Variants in PSMG2 observed in about 807,000 individuals in gnomAD.
PSMG2 encodes CD40 ligand-activated specific transcript 3.
PSMG2 carries 21 observed loss-of-function variants against 31.5 expected under a neutral mutation model. That is an observed-to-expected ratio of 0.67 (90% confidence interval 0.47 to 0.96). The LOEUF (loss-of-function observed/expected upper bound fraction) is 0.96. PSMG2 is among the 40% of genes least tolerant of loss of function. PSMG2 has a pLI of 0.00. For synonymous variants in PSMG2, 120 were observed against 110.4 expected, an observed-to-expected ratio of 1.09 and a Z score of -0.54; for missense variants, 318 against 321.2, an observed-to-expected ratio of 0.99 and a Z score of 0.08.
At chr18:12,722,090 G>A (rs576753388) in intron 5 of PSMG2, among the ~76,000 whole-genome samples, 29 of 152,092 alleles carry the variant, frequency 1.9e-4, no homozygotes, top group African/African-American at 6.7e-4. Context: ...AGGAAGTTGC[G>A]TCTGCACTCC....
chr18:12,718,547 C>T lies in PSMG2; in HGVS notation c.319C>T (p.Leu107Phe). The T allele has an allele frequency of 6.2e-7, 1 of 1,611,588 alleles. No individual in the cohort carries two copies. The highest frequency in any genetic ancestry group is 1.1e-5 in the South Asian group (1 of 90,758). The change falls in exon 4 of 7, where the codon CTT (leucine) becomes TTT (phenylalanine). Residue 107 changes from leucine to phenylalanine, a missense_variant. Transcript: ENST00000317615. ...ATCAAAGCCATTCTGTGAAAAACTG[C>T]TTTCCTGGGTGAAAAGCAGTGGCTG... The part of the protein sequence containing the change: ...YKSKPFCEKL[L>F]SWVKSSGCAR...
At chr18:12,692,618 A>G (rs1340071767) in intron 1 of PSMG2, among the ~76,000 whole-genome samples, 1 of 152,160 alleles carries the variant, frequency 6.6e-6, no homozygotes, top group East Asian at 1.9e-4. Context: ...CCACTGTATC[A>G]TATCACCTGT....
rs373743826 is a variant in PSMG2, at chr18:12,668,810, G to A, written c.-37+10037G>A. 1.5e-3 allele frequency among the ~76,000 whole-genome samples: 198 copies of A among 128,858 alleles called. 1 individual carries two copies. Among genetic ancestry groups the A allele is most frequent in the African/African-American group, 5.4e-3 (185 of 34,552 alleles). The allele number at this position is 128,858 out of a possible 152,430, so 84.5% of individuals were successfully genotyped here. A position where few individuals can be genotyped will look rare whatever the true frequency, so the allele number is the denominator to read the frequency against. On this transcript the variant is annotated intron_variant, in intron 1 of 6. Transcript: ENST00000585331. ...CTGGAGTGTAGTGGAGAGCAATCTC[G>A]GCTCACTGCAGCCTTCGCCTCCCGG...
chr18:12,690,171 A>G (rs180718696), intron 1 of PSMG2, among the ~76,000 whole-genome samples: 4 of 152,312 alleles, frequency 2.6e-5, no homozygotes, highest in African/African-American at 7.2e-5. Context: ...CATTCAATAT[A>G]TAAACAACGC....
chr18:12,718,012 C>CTTTTTTT (rs71174131), intron 3 of PSMG2, among the ~76,000 whole-genome samples: 11 of 136,448 alleles, frequency 8.1e-5, no homozygotes, highest in Non-Finnish European at 1.1e-4. Flanking sequence ...TTTCTTTTTT[C>CTTTTTTT]TTTTTTTTTT....
At chr18:12,699,202 A>T (rs764746721), upstream of PSMG2, 10 of 1,603,610 alleles carry the variant, frequency 6.2e-6, no homozygotes, top group Non-Finnish European at 8.5e-6. Context: ...GATCAATATT[A>T]GCTGTAAAGT....
In PSMG2 at chr18:12,725,570, C is replaced by T; in HGVS notation, c.*39C>T. On this transcript the variant is annotated 3_prime_UTR_variant, in exon 7 of 7. Transcript: ENST00000317615. The stretch of plus-strand genomic sequence containing the variant: ...TTATACCTTATACCCAAAACACTTA[C>T]TACCAACACAGCTGTTAAACATTCT... 1 of 1,435,200 alleles carries T rather than the reference C, an allele frequency of 7.0e-7. No individual in the cohort carries two copies. Among genetic ancestry groups the T allele is most frequent in the South Asian group, 1.2e-5 (1 of 84,094 alleles). 88.9% of individuals were successfully genotyped at this position (1,435,200 alleles called of 1,614,324 possible).
At chr18:12,714,353 C>A (rs1441176941) in intron 3 of PSMG2, among the ~76,000 whole-genome samples, 1 of 152,206 alleles carries the variant, frequency 6.6e-6, no homozygotes, top group East Asian at 1.9e-4. Context: ...AGACATTAAG[C>A]TCATCCTGTC....
chr18:12,698,195 T>C (rs1050265886), upstream of PSMG2, among the ~76,000 whole-genome samples: 5 of 151,598 alleles, frequency 3.3e-5, no homozygotes, highest in Admixed American at 2.6e-4. Flanking sequence ...TAAAAATTTA[T>C]TAGAAGTTTT....
intron 1 of PSMG2, among the ~76,000 whole-genome samples, chr18:12,697,628 G>T (rs1225797949): frequency 6.6e-6 from 1 of 152,224 alleles, no homozygotes; most frequent in African/African-American, 2.4e-5. Context: ...GAGTTATCCA[G>T]TAACTTACAG....
At chr18:12,695,835 AAC>A (rs1568030509) in intron 1 of PSMG2, among the ~76,000 whole-genome samples, 1 of 148,522 alleles carries the variant, frequency 6.7e-6, no homozygotes, top group African/African-American at 2.5e-5. Context: ...AGCAACTGTT[AAC>A]ACCTCATTCC....
chr18:12,716,948 CT>C (rs56726339), intron 3 of PSMG2, among the ~76,000 whole-genome samples: 11,234 of 116,594 alleles, frequency 0.096, 333 homozygotes, highest in Non-Finnish European at 0.11. Context: ...TTTTCTTTTA[CT>C]TTTTTTTTTT....
chr18:12,674,595 T>C (rs2039055490), intron 1 of PSMG2: 4 of 1,614,140 alleles, frequency 2.5e-6, no homozygotes, highest in Non-Finnish European at 3.4e-6. Context: ...TTGGGAACCC[T>C]TTAAATGTGT....
At chr18:12,678,257 C>T (rs998906335) in intron 1 of PSMG2, 4 of 1,614,028 alleles carry the variant, frequency 2.5e-6, no homozygotes, top group African/African-American at 2.7e-5. Flanking sequence ...TGCTTCCTCA[C>T]TCATGGGTTT....
In PSMG2 at chr18:12,703,055, C is replaced by T. The variant is rs1598675158; in HGVS notation, c.-53C>T. On this transcript the variant is annotated 5_prime_UTR_variant, in exon 1 of 7. Transcript: ENST00000317615. ...TCTCGGGCTTCCGCCTTCTTGCTGC[C>T]CTCGTTCTTGCCAGGGCCGCGGTTA... is the stretch of plus-strand genomic sequence containing the variant. 1.3e-5 allele frequency: 20 copies of T among 1,588,810 alleles called. No individual in the cohort carries two copies. The highest frequency in any genetic ancestry group is 2.7e-5 in the African/African-American group (2 of 74,274).
Position 12,724,575 on chromosome 18 carries a change from C to A in PSMG2, c.658C>A (p.Leu220Ile). ...GGACAACATCCCAGATGCATTAGGT[C>A]TTGTTGAGTATCTTAATGAGTGGCT... ...EGDNIPDALG[L>I]VEYLNEWLQI... The change falls in exon 6 of 7, where the codon CTT becomes ATT. Residue 220 changes from leucine (L) to isoleucine (I), a missense_variant. By Grantham distance (5) the Leu-to-Ile change is conservative. Transcript: ENST00000317615. The A allele has an allele frequency of 6.2e-7, 1 of 1,611,118 alleles. No homozygotes were observed. The highest frequency in any genetic ancestry group is 8.5e-7 in the Non-Finnish European group (1 of 1,178,724).
chr18:12,701,324 CACAA>C (rs112948779), upstream of PSMG2, among the ~76,000 whole-genome samples: 2 of 152,236 alleles, frequency 1.3e-5, no homozygotes, highest in African/African-American at 4.8e-5. Flanking sequence ...ACCATTTCTC[CACAA>C]ACAACACTCA....
intron 1 of PSMG2, among the ~76,000 whole-genome samples, chr18:12,705,576 A>T (rs12969223): frequency 0.65 from 84,538 of 129,866 alleles, 27,925 homozygotes; most frequent in Admixed American, 0.72. Context: ...AGAGAGAGAG[A>T]GTGTGTGTGT....
At chr18:12,716,786 C>A (rs1300009035) in intron 3 of PSMG2, among the ~76,000 whole-genome samples, 2 of 151,962 alleles carry the variant, frequency 1.3e-5, no homozygotes, top group Non-Finnish European at 2.9e-5. Context: ...ACTTAATCCT[C>A]ATGACAAACC....
Sources: allele counts gnomAD v4.1 joint callset (sites outside exome capture counted in the v4.1 genomes callset), GRCh38; gene constraint gnomAD v4.1.1; transcripts MANE v1.5; gene names NCBI Gene and HGNC (gene_info 2026-07-23, HGNC 2026-07-21).